Variants in ALK observed in about 807,000 individuals in gnomAD.
ALK encodes ALK tyrosine kinase receptor.
A neutral mutation model predicts 163.1 loss-of-function variants in ALK; 74 were observed. The observed-to-expected ratio is 0.45, with a 90% CI of 0.38 to 0.55. ALK has a LOEUF of 0.55. Among genes scored for constraint, ALK ranks in the 20% least tolerant of loss-of-function variants. The pLI, the probability that ALK is intolerant of heterozygous loss-of-function variation, is 0.00. For synonymous variants in ALK, 960 were observed against 843.2 expected (o/e 1.14, Z -2.40); for missense variants, 2,063 against 2,105.3 (o/e 0.98, Z 0.39).
At chr2:29,259,078 C>A (rs1665020647) in intron 11 of ALK, among the ~76,000 whole-genome samples, 1 of 152,092 alleles carries the variant, frequency 6.6e-6, no homozygotes, top group Non-Finnish European at 1.5e-5. Context: ...TTTTATTTAA[C>A]CTCGTGTATA....
intron 9 of ALK, among the ~76,000 whole-genome samples, chr2:29,290,224 A>G (rs1665984716): frequency 6.6e-6 from 1 of 152,198 alleles, no homozygotes; most frequent in Non-Finnish European, 1.5e-5. Context: ...CTGTCTTTTC[A>G]GCTGAAATTA....
chr2:29,787,160 A>G (rs898868410), intron 1 of ALK, among the ~76,000 whole-genome samples: 28 of 152,122 alleles, frequency 1.8e-4, no homozygotes, highest in African/African-American at 6.3e-4. Flanking sequence ...TTGAAGTCCA[A>G]TTTCATACAT....
At chr2:29,470,632 G>A (rs558193307) in intron 4 of ALK, among the ~76,000 whole-genome samples, 1 of 151,370 alleles carries the variant, frequency 6.6e-6, no homozygotes, top group East Asian at 1.9e-4. Context: ...TACCCAGTGA[G>A]AATATTCTTC....
At chr2:29,620,766 C>G (rs188087933) in intron 3 of ALK, among the ~76,000 whole-genome samples, 1 of 152,090 alleles carries the variant, frequency 6.6e-6, no homozygotes, top group Non-Finnish European at 1.5e-5. Context: ...CTTACATGGG[C>G]GATACAGTAT....
chr2:29,253,754 G>T (rs1311743169), intron 11 of ALK, among the ~76,000 whole-genome samples: 1 of 152,180 alleles, frequency 6.6e-6, no homozygotes, highest in Non-Finnish European at 1.5e-5. Flanking sequence ...CAGCCTGGGT[G>T]TGGGGGTGGC....
chr2:29,884,364 C>T (rs773426883), intron 1 of ALK, among the ~76,000 whole-genome samples: 6 of 152,114 alleles, frequency 3.9e-5, no homozygotes, highest in South Asian at 2.1e-4. Context: ...AAAGTCATGA[C>T]GTTACAAGAA....
chr2:29,593,319 C>T (rs371282872), intron 3 of ALK, among the ~76,000 whole-genome samples: 16 of 152,284 alleles, frequency 1.1e-4, no homozygotes, highest in Admixed American at 3.3e-4. Flanking sequence ...CTTAAAGGCT[C>T]GACCATTGCC....
At chr2:29,559,800 T>TGTGTGTGTGC (rs1164069135) in intron 3 of ALK, among the ~76,000 whole-genome samples, 1 of 149,446 alleles carries the variant, frequency 6.7e-6, no homozygotes, top group Non-Finnish European at 1.5e-5. Context: ...TGTGTGTGTG[T>TGTGTGTGTGC]GTATTAGTTC....
rs1668927155 is a variant in ALK, at chr2:29,193,396, G to T, written c.4691C>A (p.Ala1564Asp). ...GAACAGAGGTACCTCCTTCATATTG[G>T]CAGTCAGCGAAGAGGGCTCTAGGAG... ...SLLLEPSSLT[A>D]NMKEVPLFRL... Residue 1564 changes from alanine (A) to aspartate (D), a missense_variant, in exon 29 of 29, where the codon GCC (alanine) becomes GAC (aspartate). This residue lies in a region of ALK where 403 missense variants were observed against 366.2 expected (regional missense o/e 1.10). Coordinates refer to ENST00000389048, the MANE Select transcript of ALK (RefSeq NM_004304.5). 1 of 1,614,184 alleles carries T rather than the reference G, an allele frequency of 6.2e-7. No individual in the cohort carries two copies. Among genetic ancestry groups the T allele is most frequent in the Non-Finnish European group, 8.5e-7 (1 of 1,180,028 alleles).
At chr2:29,913,847 C>T (rs1164740663) in intron 1 of ALK, among the ~76,000 whole-genome samples, 1 of 152,020 alleles carries the variant, frequency 6.6e-6, no homozygotes, top group Admixed American at 6.6e-5. Flanking sequence ...TCTCCATATT[C>T]TCCACTTGGC....
chr2:29,460,725 C>T (rs1212280722), intron 4 of ALK, among the ~76,000 whole-genome samples: 1 of 152,138 alleles, frequency 6.6e-6, no homozygotes, highest in Non-Finnish European at 1.5e-5. Context: ...TCCCTATCTT[C>T]AGGCCTTTCT....
intron 1 of ALK, among the ~76,000 whole-genome samples, chr2:29,794,867 G>T (rs866196023): frequency 8.5e-5 from 13 of 152,122 alleles, no homozygotes; most frequent in African/African-American, 2.7e-4. Flanking sequence ...TTACCAAAAT[G>T]TGACACAGAG....
intron 3 of ALK, among the ~76,000 whole-genome samples, chr2:29,621,147 A>G (rs1001126679): frequency 1.3e-5 from 2 of 151,868 alleles, no homozygotes; most frequent in African/African-American, 4.8e-5. Context: ...TGCATCATTC[A>G]TGGCCTCTAA....
intron 3 of ALK, among the ~76,000 whole-genome samples, chr2:29,588,632 C>G (rs987099664): frequency 6.6e-6 from 1 of 152,098 alleles, no homozygotes; most frequent in Admixed American, 6.5e-5. Context: ...TATAAAGGAC[C>G]AGATAGTAAA....
chr2:29,287,173 G>A (rs1010692648), intron 9 of ALK, among the ~76,000 whole-genome samples: 1 of 152,082 alleles, frequency 6.6e-6, no homozygotes, highest in Non-Finnish European at 1.5e-5. Flanking sequence ...CACATTTAAT[G>A]TTATCAGTTT....
At chr2:29,628,200 T>G (rs1437928134) in intron 3 of ALK, among the ~76,000 whole-genome samples, 1 of 152,128 alleles carries the variant, frequency 6.6e-6, no homozygotes, top group African/African-American at 2.4e-5. Context: ...TGAAATACAA[T>G]AAAAGCACCA....
At chr2:29,556,503 T>C (rs748450003) in intron 3 of ALK, among the ~76,000 whole-genome samples, 2 of 152,212 alleles carry the variant, frequency 1.3e-5, no homozygotes, top group South Asian at 2.1e-4. Context: ...ACAAGAAATG[T>C]AGCAAGAATC....
At chr2:29,465,002 T>C (rs1671174348) in intron 4 of ALK, among the ~76,000 whole-genome samples, 1 of 152,234 alleles carries the variant, frequency 6.6e-6, no homozygotes. Flanking sequence ...GAAGGGAGGA[T>C]AACTCTTTGA....
At chr2:29,453,040 T>G (rs528431311) in intron 4 of ALK, among the ~76,000 whole-genome samples, 1 of 152,104 alleles carries the variant, frequency 6.6e-6, no homozygotes, top group African/African-American at 2.4e-5. Context: ...ACTGGAAAAA[T>G]GAGTAGGAAA....
Sources: allele counts gnomAD v4.1 joint callset (sites outside exome capture counted in the v4.1 genomes callset), GRCh38; gene constraint gnomAD v4.1.1; regional missense constraint gnomAD v4.1.1; transcripts MANE v1.5; gene names NCBI Gene and HGNC (gene_info 2026-07-23, HGNC 2026-07-21).